LAMA2: variants seen among roughly 807,000 people sequenced by gnomAD.
LAMA2 encodes laminin subunit alpha-2.
A neutral mutation model predicts 364.8 loss-of-function variants in LAMA2; 269 were observed. That is an observed-to-expected ratio of 0.74 (90% CI 0.67 to 0.82). The LOEUF is 0.82. LAMA2 is among the 40% of genes least tolerant of loss of function. The pLI, the probability that LAMA2 is intolerant of heterozygous loss-of-function variation, is 0.00. For missense variants in LAMA2, 3,807 were observed against 3,873.2 expected (o/e 0.98, Z 0.45); for synonymous variants, 1,379 against 1,370.6 (o/e 1.01, Z -0.14).
intron 12 of LAMA2, among the ~76,000 whole-genome samples, chr6:129,199,211 G>A (rs1308561488): frequency 6.6e-6 from 1 of 152,040 alleles, no homozygotes; most frequent in Non-Finnish European, 1.5e-5. Flanking sequence ...TAGAAAACCA[G>A]TTTAAGTAAT....
chr6:129,047,909 G>C (rs2114768675), intron 1 of LAMA2, among the ~76,000 whole-genome samples: 1 of 152,160 alleles, frequency 6.6e-6, no homozygotes, highest in East Asian at 1.9e-4. Context: ...ATCTATGCTG[G>C]TTTCATAAAA....
intron 1 of LAMA2, among the ~76,000 whole-genome samples, chr6:128,946,062 C>A (rs1471141670): frequency 2.0e-5 from 3 of 152,114 alleles, no homozygotes; most frequent in Admixed American, 1.3e-4. Context: ...AAGCTGAGAG[C>A]AGCACTGGAT....
chr6:129,213,449 C>A (rs1783228168), intron 12 of LAMA2, among the ~76,000 whole-genome samples: 1 of 152,182 alleles, frequency 6.6e-6, no homozygotes. Context: ...TAATAAACTG[C>A]CAAACTATCT....
intron 10 of LAMA2, among the ~76,000 whole-genome samples, chr6:129,187,591 T>A (rs1781301919): frequency 6.6e-6 from 1 of 151,814 alleles, no homozygotes; most frequent in South Asian, 2.1e-4. Flanking sequence ...GGCAGGGCCC[T>A]GGATCTCAAG....
At chr6:129,092,100 G>C (rs932774854) in intron 3 of LAMA2, among the ~76,000 whole-genome samples, 3 of 152,126 alleles carry the variant, frequency 2.0e-5, no homozygotes, top group Admixed American at 6.5e-5. Context: ...CCTCGGTGAG[G>C]TTCTAGACTT....
chr6:129,237,362 A>T (rs186526056), intron 12 of LAMA2, among the ~76,000 whole-genome samples: 4 of 151,596 alleles, frequency 2.6e-5, no homozygotes, highest in African/African-American at 9.7e-5. Flanking sequence ...TTGGAGATGG[A>T]GTCTTGCTCT....
At chr6:129,371,122 A>G (rs1778047708) in intron 34 of LAMA2, among the ~76,000 whole-genome samples, 1 of 152,206 alleles carries the variant, frequency 6.6e-6, no homozygotes, top group South Asian at 2.1e-4. Flanking sequence ...ATTTTCTAAC[A>G]GGTCATGGTA....
chr6:129,217,808 A>C (rs1783523401), intron 12 of LAMA2, among the ~76,000 whole-genome samples: 1 of 152,186 alleles, frequency 6.6e-6, no homozygotes, highest in Admixed American at 6.5e-5. Flanking sequence ...TCATAGACAA[A>C]GACACCTCCT....
At chr6:129,376,328 A>T (rs952810657) in intron 34 of LAMA2, among the ~76,000 whole-genome samples, 2 of 152,182 alleles carry the variant, frequency 1.3e-5, no homozygotes, top group African/African-American at 4.8e-5. Context: ...TATGGCATTC[A>T]TCTCTACTAC....
At chr6:129,270,866 T>A (rs1787885448) in intron 17 of LAMA2, 115 bp downstream of exon 17, 4 of 1,133,962 alleles carry the variant, frequency 3.5e-6, no homozygotes, top group Non-Finnish European at 5.2e-6. Flanking sequence ...AACACAGACA[T>A]GAATTTTTTC....
At chr6:129,407,231 G>C (rs9398902) in intron 40 of LAMA2, among the ~76,000 whole-genome samples, 76,223 of 151,822 alleles carry the variant, frequency 0.5, 19,615 homozygotes, top group African/African-American at 0.62. Flanking sequence ...ACTTTGCATC[G>C]TTCAATCCAA....
At chr6:129,278,427 T>G (rs1788475811) in intron 17 of LAMA2, among the ~76,000 whole-genome samples, 1 of 152,312 alleles carries the variant, frequency 6.6e-6, no homozygotes, top group East Asian at 1.9e-4. Flanking sequence ...AAGACATATA[T>G]ATGCTACAGA....
At chr6:129,450,344 G>A (rs955332968) in intron 45 of LAMA2, among the ~76,000 whole-genome samples, 7 of 150,512 alleles carry the variant, frequency 4.7e-5, no homozygotes, top group Non-Finnish European at 1.0e-4. Flanking sequence ...TTTTGACATG[G>A]AGTCTCACTT....
chr6:129,367,499 C>T (rs547630762), intron 33 of LAMA2, among the ~76,000 whole-genome samples: 1 of 152,164 alleles, frequency 6.6e-6, no homozygotes, highest in African/African-American at 2.4e-5. Context: ...TTCAGGGTAA[C>T]CAGAGAATGT....
intron 13 of LAMA2, among the ~76,000 whole-genome samples, chr6:129,251,575 G>A (rs576211594): frequency 4.6e-5 from 7 of 152,290 alleles, no homozygotes; most frequent in Non-Finnish European, 8.8e-5. Context: ...AAATTGCATT[G>A]CCTTCCCTTC....
chr6:128,899,471 T>C (rs1776953353), intron 1 of LAMA2, among the ~76,000 whole-genome samples: 1 of 152,238 alleles, frequency 6.6e-6, no homozygotes, highest in East Asian at 1.9e-4. Context: ...TAGGACTTTT[T>C]GTCTTTCATT....
Position 129,391,515 on chromosome 6 carries a change from TA to T in LAMA2, c.5099del (p.Asn1700MetfsTer4). ...GCTGTAAATGAAAAAGCTATAAAAC[TA>T]AATGAAACTCTAGGAACTCGAGACG... ...AEAVNEKAIK[L>X]NETLGTRDEA... On this transcript the variant is annotated frameshift_variant, in exon 36 of 65. Coordinates refer to ENST00000421865, the MANE Select transcript of LAMA2 (RefSeq NM_000426.4). LOFTEE classifies it high-confidence loss of function. The T allele has an allele frequency of 6.2e-7, 1 of 1,613,804 alleles. No individual in the cohort carries two copies. The highest frequency in any genetic ancestry group is 8.5e-7 in the Non-Finnish European group (1 of 1,179,846).
chr6:129,071,456 A>C (rs780747538), intron 3 of LAMA2, among the ~76,000 whole-genome samples: 2 of 151,778 alleles, frequency 1.3e-5, no homozygotes, highest in African/African-American at 2.4e-5. Context: ...TTTTTATTTT[A>C]GTTTACTACA....
At chr6:129,372,182 G>T (rs1410145951) in intron 34 of LAMA2, among the ~76,000 whole-genome samples, 1 of 152,048 alleles carries the variant, frequency 6.6e-6, no homozygotes, top group Non-Finnish European at 1.5e-5. Flanking sequence ...TTACATTAGG[G>T]TTCCCTCTTG....
Sources: allele counts gnomAD v4.1 joint callset (sites outside exome capture counted in the v4.1 genomes callset), GRCh38; gene constraint gnomAD v4.1.1; transcripts MANE v1.5; gene names NCBI Gene and HGNC (gene_info 2026-07-23, HGNC 2026-07-21).